The following ESR1 variants were observed in gnomAD, a reference collection of about 807,000 sequenced individuals.
The protein encoded by ESR1 is estrogen receptor 1.
In ESR1, 12 loss-of-function variants were observed where a neutral mutation model predicts 52.7. The observed-to-expected ratio is 0.23, with a 90% CI of 0.15 to 0.37. The LOEUF (loss-of-function observed/expected upper bound fraction) is 0.37. ESR1 is among the 10% of genes least tolerant of loss of function. The pLI is 1.00. For missense variants in ESR1, 584 were observed against 779.7 expected, an observed-to-expected ratio of 0.75 and a Z score of 2.99; for synonymous variants, 305 against 316.8, an observed-to-expected ratio of 0.96 and a Z score of 0.39.
chr6:151,946,485 T>C (rs1229348844), intron 4 of ESR1, among the ~76,000 whole-genome samples: 1 of 152,110 alleles, frequency 6.6e-6, no homozygotes, highest in Non-Finnish European at 1.5e-5. Context: ...GAAAGGAAAA[T>C]ATTATACACA....
chr6:152,090,907 A>G (rs1226091403), intron 6 of ESR1, among the ~76,000 whole-genome samples: 1 of 152,204 alleles, frequency 6.6e-6, no homozygotes, highest in African/African-American at 2.4e-5. Context: ...CAGATTGCCT[A>G]GAAGCTCAGA....
At chr6:151,937,180 A>G (rs556184331) in intron 3 of ESR1, among the ~76,000 whole-genome samples, 1 of 152,326 alleles carries the variant, frequency 6.6e-6, no homozygotes, top group Admixed American at 6.5e-5. Flanking sequence ...TAGCTTTTAA[A>G]ATGTAAAATA....
intron 5 of ESR1, among the ~76,000 whole-genome samples, chr6:152,045,750 A>G (rs529514120): frequency 1.3e-5 from 2 of 152,312 alleles, no homozygotes; most frequent in African/African-American, 4.8e-5. Flanking sequence ...TGAATCGCCT[A>G]ACCTATGAGG....
At chr6:151,817,293 T>C (rs1387862653) in intron 1 of ESR1, among the ~76,000 whole-genome samples, 3 of 152,136 alleles carry the variant, frequency 2.0e-5, no homozygotes, top group Non-Finnish European at 4.4e-5. Flanking sequence ...ACAAAACAAA[T>C]TTTGGGGCTT....
intron 2 of ESR1, among the ~76,000 whole-genome samples, chr6:151,746,237 A>G (rs980605269): frequency 6.6e-6 from 1 of 152,200 alleles, no homozygotes; most frequent in African/African-American, 2.4e-5. Context: ...ACAGAAGTGT[A>G]TATAGGATTA....
At chr6:151,850,699 G>A (rs533726357) in intron 2 of ESR1, among the ~76,000 whole-genome samples, 9 of 152,098 alleles carry the variant, frequency 5.9e-5, no homozygotes, top group African/African-American at 1.7e-4. Flanking sequence ...CAGTTCCCTT[G>A]CCACTCCCTC....
At chr6:151,806,897 C>T (rs1777970642), upstream of ESR1, among the ~76,000 whole-genome samples, 1 of 152,060 alleles carries the variant, frequency 6.6e-6, no homozygotes, top group Admixed American at 6.5e-5. Flanking sequence ...TGCGCCCTAA[C>T]CAAAGGTTTT....
chr6:152,056,522 C>A (rs2047118278), intron 5 of ESR1, among the ~76,000 whole-genome samples: 1 of 152,160 alleles, frequency 6.6e-6, no homozygotes, highest in Admixed American at 6.5e-5. Flanking sequence ...CTCGTTAGAG[C>A]TCTTTATTTT....
rs1303564754 is a variant in ESR1 at position 151,808,057 on chromosome 6, C to T, written c.145C>T (p.Pro49Ser). 6.2e-7 allele frequency: 1 copy of T among 1,613,540 alleles called. No homozygotes were observed. Among genetic ancestry groups the T allele is most frequent in the Non-Finnish European group, 8.5e-7 (1 of 1,179,900 alleles). ...CGAGGTGTACCTGGACAGCAGCAAGCCCGCCGTGTACAACTACCCCGAGGG... is the reference window on the plus strand; with the variant it reads ...CGAGGTGTACCTGGACAGCAGCAAGTCCGCCGTGTACAACTACCCCGAGGG... ...LGEVYLDSSK[P>S]AVYNYPEGAA... is the part of the protein sequence containing the mutation. The change falls in exon 1 of 8, where the codon CCC (proline) becomes TCC (serine). Residue 49 changes from proline (P) to serine (S), a missense_variant. Transcript: ENST00000206249.
At chr6:151,765,215 G>C (rs1331916824) in intron 2 of ESR1, among the ~76,000 whole-genome samples, 1 of 152,076 alleles carries the variant, frequency 6.6e-6, no homozygotes, top group Non-Finnish European at 1.5e-5. Context: ...CAATTCAGAT[G>C]CTACATTTTT....
At chr6:151,721,278 A>T (rs11756568) in intron 2 of ESR1, among the ~76,000 whole-genome samples, 39,112 of 152,118 alleles carry the variant, frequency 0.26, 5,246 homozygotes, top group Non-Finnish European at 0.28. Context: ...TTGGCAAGTT[A>T]GGGGAGTCGT....
intron 2 of ESR1, among the ~76,000 whole-genome samples, chr6:151,853,403 C>T (rs750601843): frequency 1.3e-5 from 2 of 152,044 alleles, no homozygotes; most frequent in Admixed American, 1.3e-4. Flanking sequence ...TTAATGCGAT[C>T]CTGTGAAACT....
At chr6:151,791,719 C>T (rs1027829978) in intron 2 of ESR1, among the ~76,000 whole-genome samples, 1 of 152,102 alleles carries the variant, frequency 6.6e-6, no homozygotes, top group Non-Finnish European at 1.5e-5. Context: ...TCAGGTAATC[C>T]AGTGAGCACC....
chr6:152,110,202 T>C (rs1262119686), intron 6 of ESR1, among the ~76,000 whole-genome samples: 1 of 152,176 alleles, frequency 6.6e-6, no homozygotes, highest in Non-Finnish European at 1.5e-5. Context: ...GGGTTGAGCT[T>C]CCTAGGAATT....
intron 3 of ESR1, among the ~76,000 whole-genome samples, chr6:151,933,170 A>G (rs1236656321): frequency 6.6e-6 from 1 of 151,516 alleles, no homozygotes; most frequent in African/African-American, 2.4e-5. Flanking sequence ...GGTCCTTCAC[A>G]TCCCTTGTAA....
chr6:152,041,258 G>C (rs771530484), intron 5 of ESR1, among the ~76,000 whole-genome samples: 1 of 152,156 alleles, frequency 6.6e-6, no homozygotes, highest in Non-Finnish European at 1.5e-5. Context: ...GATCTGCCAG[G>C]TCATATGGCC....
At chr6:152,022,228 T>G (rs1328215599) in intron 5 of ESR1, among the ~76,000 whole-genome samples, 1 of 151,930 alleles carries the variant, frequency 6.6e-6, no homozygotes, top group African/African-American at 2.4e-5. Context: ...TAATTCAGAG[T>G]GTGTGTGACT....
At chr6:152,103,698 A>C (rs901854605), downstream of ESR1, among the ~76,000 whole-genome samples, 17 of 152,176 alleles carry the variant, frequency 1.1e-4, no homozygotes, top group African/African-American at 4.1e-4. Context: ...GTTATTTATG[A>C]ATGAATGAGT....
At position 151,941,951 on chromosome 6, in the gene ESR1, G is replaced by A. The variant is rs546842531; in HGVS notation, c.761-2222G>A. ...TTTCCTTTCTCTAGGCTAACCCTTC[G>A]TTGTTCCTCACTTACTCACTATATA... On this transcript the variant is annotated intron_variant, in intron 3 of 7. Coordinates refer to ENST00000206249, the MANE Select transcript of ESR1 (RefSeq NM_000125.4). 4.6e-5 allele frequency among the ~76,000 whole-genome samples: 7 copies of A among 152,204 alleles called. No homozygotes were observed. In the South Asian group the frequency reaches 6.2e-4, roughly 14 times the overall value.
Sources: allele counts gnomAD v4.1 joint callset (sites outside exome capture counted in the v4.1 genomes callset), GRCh38; gene constraint gnomAD v4.1.1; transcripts MANE v1.5; gene names NCBI Gene and HGNC (gene_info 2026-07-23, HGNC 2026-07-21).